The following SMCHD1 variants were observed in gnomAD, a reference collection of about 807,000 sequenced individuals.
The protein encoded by SMCHD1 is structural maintenance of chromosomes flexible hinge domain containing 1.
In SMCHD1, 78 loss-of-function variants were observed where a neutral mutation model predicts 254.7. The observed-to-expected ratio is 0.31, with a 90% confidence interval of 0.26 to 0.37. SMCHD1 has a LOEUF of 0.37. Among genes scored for constraint, SMCHD1 ranks in the 10% least tolerant of loss-of-function variants. SMCHD1 has a pLI of 1.00. For synonymous variants in SMCHD1, 766 were observed against 794.9 expected, an observed-to-expected ratio of 0.96 and a Z score of 0.61; for missense variants, 1,840 against 2,408.1, an observed-to-expected ratio of 0.76 and a Z score of 4.94.
intron 17 of SMCHD1, among the ~76,000 whole-genome samples, chr18:2,710,562 C>T (rs1299620850): frequency 6.6e-6 from 1 of 152,064 alleles, no homozygotes; most frequent in East Asian, 1.9e-4. Context: ...ATTAGCTATA[C>T]CAGGGTTTTT....
chr18:2,740,050 A>G (rs1038441766), intron 27 of SMCHD1, among the ~76,000 whole-genome samples: 1 of 151,772 alleles, frequency 6.6e-6, no homozygotes, highest in African/African-American at 2.4e-5. Context: ...CGTCATCTAC[A>G]TTAGGTATTT....
At chr18:2,678,611 G>A (rs1310210119) in intron 5 of SMCHD1, among the ~76,000 whole-genome samples, 2 of 151,704 alleles carry the variant, frequency 1.3e-5, no homozygotes, top group African/African-American at 4.8e-5. Flanking sequence ...GCCCCACCGC[G>A]CCTGGCTTGT....
intron 3 of SMCHD1, among the ~76,000 whole-genome samples, chr18:2,669,043 TAAAAAAAA>T (rs550227541): frequency 1.4e-5 from 2 of 139,438 alleles, no homozygotes; most frequent in African/African-American, 5.4e-5. Flanking sequence ...CCCAGCTAAT[TAAAAAAAA>T]AAAAAAAATT....
chr18:2,769,643 A>T, intron 37 of SMCHD1, 51 bp from the exon 38 acceptor site: 1 of 1,539,168 alleles, frequency 6.5e-7, no homozygotes, highest in Non-Finnish European at 8.8e-7. Flanking sequence ...TATATGTTGT[A>T]AATTTTCTTT....
rs1416328448 is a variant in SMCHD1 at position 2,796,508 on chromosome 18, A to G, written c.5980A>G (p.Thr1994Ala). 4 of 1,593,810 alleles carry G rather than the reference A, an allele frequency of 2.5e-6. No homozygotes were observed. The highest frequency in any genetic ancestry group is 2.7e-5 in the African/African-American group (2 of 74,582). Residue 1994 changes from threonine (T) to alanine (A), a missense_variant, in exon 47 of 48, where the codon ACA becomes GCA. This residue lies in a region of SMCHD1 where 132 missense variants were observed against 138.2 expected (regional missense o/e 0.95). Transcript: ENST00000320876. ...TCCTAAAAGAATGAGACGAGAAGCT[A>G]CAAGACAAAATAGGTGAGTTTGTTT... ...VPPKRMRREATRQNRIITKTD... is the reference protein window; with the variant it reads ...VPPKRMRREAARQNRIITKTD...
intron 47 of SMCHD1, among the ~76,000 whole-genome samples, chr18:2,797,121 C>T (rs2076278415): frequency 6.6e-6 from 1 of 152,082 alleles, no homozygotes; most frequent in Non-Finnish European, 1.5e-5. Flanking sequence ...TCATTGCATT[C>T]TCTTTCAGAG....
chr18:2,675,175 A>G (rs1320217423), intron 5 of SMCHD1, among the ~76,000 whole-genome samples: 1 of 152,068 alleles, frequency 6.6e-6, no homozygotes, highest in African/African-American at 2.4e-5. Context: ...AATCCTTAGG[A>G]CAGAGCCTCG....
chr18:2,750,461 T>G lies in SMCHD1; in HGVS notation c.4119T>G (p.Val1373=), dbSNP rs780548113. The G allele has an allele frequency of 6.1e-5, 98 of 1,610,526 alleles. No individual in the cohort carries two copies. In the Admixed American group the frequency reaches 6.9e-4, roughly 11 times the overall value. Residue 1373 remains valine (V), a synonymous_variant, in exon 32 of 48, where the codon GTT becomes GTG. Coordinates refer to ENST00000320876, the MANE Select transcript of SMCHD1 (RefSeq NM_015295.3). The part of the protein sequence containing the change: ...PDPEKPVRLN[V]KYDKDASFLA... Reference sequence around the variant, plus strand: ...CAGAAAAACCCGTTCGTCTCAATGTTAAATATGACAAAGATGCATCCTTCT... The same window carrying G: ...CAGAAAAACCCGTTCGTCTCAATGTGAAATATGACAAAGATGCATCCTTCT...
At chr18:2,660,015 TAGTC>T (rs1231729614) in intron 1 of SMCHD1, among the ~76,000 whole-genome samples, 6 of 152,160 alleles carry the variant, frequency 3.9e-5, no homozygotes, top group African/African-American at 1.4e-4. Context: ...GCAAGTCAGT[TAGTC>T]CTTAAATATT....
At chr18:2,667,793 A>T (rs185148311) in intron 3 of SMCHD1, among the ~76,000 whole-genome samples, 1 of 152,340 alleles carries the variant, frequency 6.6e-6, no homozygotes, top group East Asian at 1.9e-4. Flanking sequence ...CATTTTGTTT[A>T]AAAATAAAGT....
In SMCHD1 at chr18:2,718,269, T is replaced by G; in HGVS notation, c.2338+34T>G. The G allele has an allele frequency of 1.2e-6, 2 of 1,608,360 alleles. No individual in the cohort carries two copies. Among genetic ancestry groups the G allele is most frequent in the Non-Finnish European group, 1.7e-6 (2 of 1,177,194 alleles). ...TTATTCTGAATGTTAAAAAATACAT[T>G]GGTATTGTGTTGACTTGATTTTTAA... On this transcript the variant is annotated intron_variant, in intron 18 of 47. Coordinates refer to ENST00000320876, the MANE Select transcript of SMCHD1 (RefSeq NM_015295.3). This position sits in a 1 kb window ranked among gnomAD's most constrained non-coding sequence, Gnocchi z 4.6.
chr18:2,800,909 A>G (rs79080606), intron 47 of SMCHD1: 237 of 152,344 alleles, frequency 1.6e-3, no homozygotes, highest in African/African-American at 5.6e-3. Context: ...AGGACAATTT[A>G]GTAAAGAGAC....
At chr18:2,793,507 C>CA (rs981311102) in intron 45 of SMCHD1, among the ~76,000 whole-genome samples, 27 of 151,268 alleles carry the variant, frequency 1.8e-4, no homozygotes, top group African/African-American at 5.3e-4. Flanking sequence ...ACTAAAAATA[C>CA]AAAAAAAATC....
At position 2,688,751 on chromosome 18, in the gene SMCHD1, C is replaced by T. The variant is rs1480455168; in HGVS notation, c.873+4C>T. The T allele has an allele frequency of 1.5e-6, 2 of 1,305,828 alleles. No homozygotes were observed. The highest frequency in any genetic ancestry group is 2.5e-5 in the East Asian group (1 of 39,582). 80.9% of individuals were successfully genotyped at this position (1,305,828 alleles called of 1,614,324 possible). ...TGGATATATTAGAAACAGAAAGGTA[C>T]AATACATTTTAACTCATAATTATAA... is the stretch of plus-strand genomic sequence containing the variant. On this transcript the variant is annotated splice_donor_region_variant and intron_variant, in intron 7 of 47. Coordinates refer to ENST00000320876, the MANE Select transcript of SMCHD1 (RefSeq NM_015295.3).
intron 17 of SMCHD1, among the ~76,000 whole-genome samples, chr18:2,711,801 C>T (rs2074682427): frequency 6.6e-6 from 1 of 152,150 alleles, no homozygotes; most frequent in Non-Finnish European, 1.5e-5. Flanking sequence ...GTCTTGATCC[C>T]CGGTGTTGGA....
intron 5 of SMCHD1, among the ~76,000 whole-genome samples, chr18:2,688,130 T>C (rs1386264798): frequency 6.6e-6 from 1 of 152,256 alleles, no homozygotes; most frequent in African/African-American, 2.4e-5. Context: ...TAGTCCTGTT[T>C]GCTGAGAGAT....
chr18:2,695,067 A>T (rs1473511270), intron 8 of SMCHD1, among the ~76,000 whole-genome samples: 1 of 120,066 alleles, frequency 8.3e-6, no homozygotes, highest in Non-Finnish European at 1.8e-5. Flanking sequence ...TTTGTTGTTA[A>T]ATTCACTGCT....
chr18:2,682,164 G>A (rs1471181126), intron 5 of SMCHD1, among the ~76,000 whole-genome samples: 1 of 151,622 alleles, frequency 6.6e-6, no homozygotes, highest in Non-Finnish European at 1.5e-5. Flanking sequence ...TCTTAAGTTT[G>A]GTGTTTTTTT....
rs903839933 is a variant in SMCHD1, at chr18:2,655,799, G to A, written c.-277G>A. 6.7e-6 allele frequency: 2 copies of A among 298,602 alleles called. No homozygotes were observed. Among genetic ancestry groups the A allele is most frequent in the Non-Finnish European group, 1.2e-5 (2 of 162,400 alleles). 18.5% of individuals were successfully genotyped at this position (298,602 alleles called of 1,614,324 possible). A position where few individuals can be genotyped will look rare whatever the true frequency, so the allele number is the denominator to read the frequency against. ...TGGGCGGCGATAGGCGCTGGGCCCG[G>A]GCCCGGTGAGGAGCGCGCCGCGCGT... On this transcript the variant is annotated 5_prime_UTR_variant, in exon 1 of 48. Coordinates refer to ENST00000320876, the MANE Select transcript of SMCHD1 (RefSeq NM_015295.3).
Sources: allele counts gnomAD v4.1 joint callset (sites outside exome capture counted in the v4.1 genomes callset), GRCh38; gene constraint gnomAD v4.1.1; regional missense constraint gnomAD v4.1.1; non-coding constraint Gnocchi (gnomAD v3.1); transcripts MANE v1.5; gene names NCBI Gene and HGNC (gene_info 2026-07-23, HGNC 2026-07-21).